The following KLF8 variants were observed in gnomAD, a reference collection of about 807,000 sequenced individuals.
KLF8 encodes KLF transcription factor 8, also known as Krueppel-like factor 8.
KLF8 carries 10 observed loss-of-function variants against 18.2 expected under a neutral mutation model. That is an observed-to-expected ratio of 0.55 (90% CI 0.34 to 0.93). KLF8 has a LOEUF of 0.93. KLF8 is among the 40% of genes least tolerant of loss of function. The pLI, the probability that KLF8 is intolerant of heterozygous loss-of-function variation, is 0.02. For missense variants in KLF8, 264 were observed against 277.9 expected (o/e 0.95, Z 0.36); for synonymous variants, 109 against 97.3 (o/e 1.12, Z -0.71).
At chrX:56,161,646 G>A in the KLF8 span, among the ~76,000 whole-genome samples, 1 of 111,109 alleles carries the variant, frequency 9.0e-6, no homozygotes, top group African/African-American at 3.3e-5. Flanking sequence ...TCTCTGCATT[G>A]GTTATTCTAA....
chrX:56,089,432 C>T, the KLF8 span, among the ~76,000 whole-genome samples: 2 of 111,904 alleles, frequency 1.8e-5, no homozygotes, highest in Non-Finnish European at 3.8e-5. Flanking sequence ...CTGTGCACCC[C>T]CACACCTTAT....
chrX:56,244,235 C>A (rs1391623101), intron 1 of KLF8, among the ~76,000 whole-genome samples: 5 of 111,827 alleles, frequency 4.5e-5, no homozygotes, highest in African/African-American at 9.8e-5. Context: ...GTTTTTGAAA[C>A]AGGGTCTCTC....
chrX:56,192,582 T>A, the KLF8 span, among the ~76,000 whole-genome samples: 12 of 111,896 alleles, frequency 1.1e-4, no homozygotes, highest in African/African-American at 3.2e-4. Context: ...AAATCTATAT[T>A]AACCAAAACA....
At chrX:55,936,589 G>T in the KLF8 span, among the ~76,000 whole-genome samples, 2 of 112,901 alleles carry the variant, frequency 1.8e-5, no homozygotes, top group Admixed American at 9.3e-5. Flanking sequence ...ATTGCCTCAC[G>T]CAGGAAACGC....
chrX:55,967,947 G>T, the KLF8 span, among the ~76,000 whole-genome samples: 1 of 111,644 alleles, frequency 9.0e-6, no homozygotes, highest in South Asian at 3.7e-4. Flanking sequence ...GTGTTAAGTT[G>T]TCAGCAGTTT....
the KLF8 span, among the ~76,000 whole-genome samples, chrX:55,916,223 G>C: frequency 8.9e-6 from 1 of 112,028 alleles, no homozygotes; most frequent in Non-Finnish European, 1.9e-5. Context: ...ACTATGTACA[G>C]AGCAGATATT....
chrX:56,284,437 C>T lies in KLF8; in HGVS notation c.1023C>T (p.Arg341=), dbSNP rs1045938963. ...CTTTTCGGTGCACAGACTGCAACCG[C>T]AGCTTTTCTCGTTCTGACCACCTGT... ...IKPFRCTDCN[R]SFSRSDHLSL... is the part of the protein sequence containing the mutation. The change falls in exon 6 of 6, where the codon CGC becomes CGT. Residue 341 remains arginine (R), a synonymous_variant. Coordinates refer to ENST00000468660, the MANE Select transcript of KLF8 (RefSeq NM_007250.5). 1 of 1,207,876 alleles carries T rather than the reference C, an allele frequency of 8.3e-7. No individual in the cohort carries two copies. The highest frequency in any genetic ancestry group is 2.2e-5 in the Admixed American group (1 of 45,381).
At chrX:56,204,947 C>T in the KLF8 span, among the ~76,000 whole-genome samples, 1 of 110,909 alleles carries the variant, frequency 9.0e-6, no homozygotes, top group African/African-American at 3.3e-5. Context: ...TAATCACATC[C>T]TTCCCCACCT....
the KLF8 span, among the ~76,000 whole-genome samples, chrX:55,988,059 T>C: frequency 2.7e-5 from 3 of 112,143 alleles, no homozygotes; most frequent in South Asian, 1.1e-3. Context: ...TTTGTTTTTT[T>C]CTTGTAAATT....
the KLF8 span, among the ~76,000 whole-genome samples, chrX:56,063,941 A>G: frequency 9.1e-6 from 1 of 109,556 alleles, no homozygotes; most frequent in Admixed American, 9.9e-5. Context: ...GGTGGATACT[A>G]TCCTTTCACT....
the KLF8 span, among the ~76,000 whole-genome samples, chrX:55,986,608 C>T: frequency 8.9e-6 from 1 of 112,138 alleles, no homozygotes; most frequent in Admixed American, 9.5e-5. Flanking sequence ...ACCGCAGCTG[C>T]TTCCAATTGA....
At chrX:56,201,751 A>T in the KLF8 span, among the ~76,000 whole-genome samples, 1 of 111,416 alleles carries the variant, frequency 9.0e-6, no homozygotes, top group Non-Finnish European at 1.9e-5. Context: ...TACAGTTTTT[A>T]CATGTCAATC....
the KLF8 span, among the ~76,000 whole-genome samples, chrX:55,938,799 G>A: frequency 2.7e-5 from 3 of 111,655 alleles, no homozygotes; most frequent in Non-Finnish European, 5.6e-5. Context: ...TAATGGTAAA[G>A]GGATCAATTC....
chrX:55,910,419 G>T, the KLF8 span, among the ~76,000 whole-genome samples: 1 of 111,201 alleles, frequency 9.0e-6, no homozygotes, highest in African/African-American at 3.3e-5. Context: ...TGTGGAATTG[G>T]GGTGATTTTA....
At chrX:56,104,325 T>G in the KLF8 span, among the ~76,000 whole-genome samples, 2 of 111,418 alleles carry the variant, frequency 1.8e-5, no homozygotes, top group Non-Finnish European at 3.8e-5. Context: ...AGAATTCGGT[T>G]GTGAATCCAT....
the KLF8 span, among the ~76,000 whole-genome samples, chrX:56,186,150 A>G: frequency 8.9e-6 from 1 of 112,167 alleles, no homozygotes; most frequent in Non-Finnish European, 1.9e-5. Flanking sequence ...GCAGAGACAC[A>G]CATAGGCTCA....
chrX:55,997,968 G>A, the KLF8 span, among the ~76,000 whole-genome samples: 1 of 110,174 alleles, frequency 9.1e-6, no homozygotes, highest in Non-Finnish European at 1.9e-5. Context: ...GTGTTTCTCC[G>A]AGAGGGGGAT....
In KLF8 at chrX:56,265,341, G is replaced by T; in HGVS notation, c.243G>T (p.Leu81=). ...AACTTTTGGCTAGTGATTTCAGCCT[G>T]CCCCAAGTGGAACCAGTTGACCTCT... is the stretch of plus-strand genomic sequence containing the variant. ...PEELLASDFS[L]PQVEPVDLSF... Residue 81 remains leucine, a synonymous_variant, in exon 3 of 6, where the codon CTG becomes CTT. Transcript: ENST00000468660. 8.3e-7 allele frequency: 1 copy of T among 1,208,739 alleles called. No homozygotes were observed. The highest frequency in any genetic ancestry group is 1.1e-6 in the Non-Finnish European group (1 of 894,033).
At chrX:56,243,804 G>C in intron 1 of KLF8, among the ~76,000 whole-genome samples, 1 of 110,356 alleles carries the variant, frequency 9.1e-6, no homozygotes, top group Admixed American at 9.7e-5. Flanking sequence ...AAAGTGCTAG[G>C]ATAACAGGCA....
Sources: gnomAD v4.1 joint callset for allele counts (sites outside exome capture counted in the v4.1 genomes callset) on GRCh38, gnomAD v4.1.1 for gene constraint, MANE v1.5 for transcripts, NCBI Gene and HGNC (gene_info 2026-07-23, HGNC 2026-07-21) for gene names.